Variants in DGKB observed in about 807,000 individuals in gnomAD.
DGKB encodes the protein 90 kDa diacylglycerol kinase.
A neutral mutation model predicts 114.3 loss-of-function variants in DGKB; 67 were observed. The observed-to-expected ratio is 0.59, with a 90% CI of 0.48 to 0.72. The LOEUF (loss-of-function observed/expected upper bound fraction) is 0.72. DGKB is among the 30% of genes least tolerant of loss of function. The probability of loss-of-function intolerance (pLI) is 0.00; values close to 1 mark genes in which losing one functional copy is unlikely to be tolerated. For synonymous variants in DGKB, 398 were observed against 323.1 expected, an observed-to-expected ratio of 1.23 and a Z score of -2.49; for missense variants, 907 against 975.2, an observed-to-expected ratio of 0.93 and a Z score of 0.93.
chr7:14,754,658 G>A (rs1834610162), intron 3 of DGKB, among the ~76,000 whole-genome samples: 1 of 152,034 alleles, frequency 6.6e-6, no homozygotes, highest in Non-Finnish European at 1.5e-5. Context: ...CTATTTACAT[G>A]GCCTGACTAT....
chr7:14,351,610 C>T (rs1813445838), intron 21 of DGKB, among the ~76,000 whole-genome samples: 2 of 151,954 alleles, frequency 1.3e-5, no homozygotes, highest in South Asian at 4.2e-4. Flanking sequence ...TTTTGATTGG[C>T]AACTATAAAT....
intron 23 of DGKB, among the ~76,000 whole-genome samples, chr7:14,285,336 AG>A (rs1355417156): frequency 6.6e-6 from 1 of 152,162 alleles, no homozygotes; most frequent in Non-Finnish European, 1.5e-5. Context: ...GCTCTAATAG[AG>A]GGGCTACAAA....
At position 14,958,426 on chromosome 7, in the gene DGKB, A is replaced by AACACACACACACACAC. The variant is rs754087921; in HGVS notation, c.-188+16254_-188+16269dup. Among the ~76,000 whole-genome samples the AACACACACACACACAC allele has an allele frequency of 9.4e-3, 1,159 of 122,816 alleles. 23 individuals carry two copies. Among genetic ancestry groups the AACACACACACACACAC allele is most frequent in the East Asian group, 0.012 (45 of 3,750 alleles). The allele number at this position is 122,816 out of a possible 152,430, so 80.6% of individuals were successfully genotyped here. A position where few individuals can be genotyped will look rare whatever the true frequency, so the allele number is the denominator to read the frequency against. On this transcript the variant is annotated intron_variant, in intron 1 of 4. Transcript: ENST00000437998. ...CAAACCCCACACCAATACCTCTCCC[A>AACACACACACACACAC]ACACACACACACACACACACACACA...
intron 2 of DGKB, among the ~76,000 whole-genome samples, chr7:14,836,553 G>C (rs146994736): frequency 6.6e-6 from 1 of 152,186 alleles, no homozygotes; most frequent in Admixed American, 6.5e-5. Context: ...TGGAACCACA[G>C]CAGAAAGCAC....
chr7:14,555,700 G>A (rs1795770621), intron 20 of DGKB, among the ~76,000 whole-genome samples: 2 of 152,126 alleles, frequency 1.3e-5, no homozygotes, highest in African/African-American at 4.8e-5. Flanking sequence ...CAAGATACAG[G>A]TCATAAAGAC....
rs75804178 is a variant in DGKB, at chr7:14,646,864, A to G, written c.1135-16596T>C. ...GAAGATTACACCAATGAACACCTAT[A>G]TAAAAAATTAAAATATTTAAAATAA... On this transcript the variant is annotated intron_variant, in intron 13 of 25. Transcript: ENST00000402815. 1.6e-3 allele frequency among the ~76,000 whole-genome samples: 244 copies of G among 152,036 alleles called. 1 individual carries two copies. The highest frequency in any genetic ancestry group is 5.3e-3 in the African/African-American group (221 of 41,554).
chr7:14,856,362 A>G (rs1192755273), intron 1 of DGKB, among the ~76,000 whole-genome samples: 1 of 152,136 alleles, frequency 6.6e-6, no homozygotes, highest in Non-Finnish European at 1.5e-5. Flanking sequence ...ATGTTTTTTC[A>G]ATTGGTAAGC....
intron 17 of DGKB, among the ~76,000 whole-genome samples, chr7:14,598,619 T>A (rs1253069127): frequency 6.6e-6 from 1 of 152,176 alleles, no homozygotes; most frequent in Non-Finnish European, 1.5e-5. Context: ...GAAACAGAAA[T>A]TCAGAACTAT....
rs1323581006 is a variant in DGKB, at chr7:14,555,342, A to G, written c.1770+18870T>C. ...TTTTGTGCCACCGTATTTTAGTTGC[A>G]GAAATTTGGTAGCATTTAGTACACG... On this transcript the variant is annotated intron_variant, in intron 20 of 25. Transcript: ENST00000402815. 6.6e-5 allele frequency among the ~76,000 whole-genome samples: 10 copies of G among 152,208 alleles called. No homozygotes were observed. In the East Asian group the frequency reaches 1.9e-3, roughly 29 times the overall value.
intron 13 of DGKB, among the ~76,000 whole-genome samples, chr7:14,642,315 T>G (rs935349285): frequency 6.6e-6 from 1 of 152,196 alleles, no homozygotes; most frequent in African/African-American, 2.4e-5. Context: ...TAAAACTTTA[T>G]GTATGGCATT....
intron 17 of DGKB, among the ~76,000 whole-genome samples, chr7:14,593,065 A>G (rs999806038): frequency 2.0e-5 from 3 of 152,080 alleles, no homozygotes; most frequent in Non-Finnish European, 2.9e-5. Flanking sequence ...GTAAATAATT[A>G]TGTTACCATA....
intron 23 of DGKB, among the ~76,000 whole-genome samples, chr7:14,231,127 C>CT (rs1554297195): frequency 2.4e-5 from 3 of 125,184 alleles, no homozygotes; most frequent in East Asian, 4.6e-4. Context: ...TTCTTTCTTT[C>CT]TTTCTTTCTT....
At chr7:14,956,204 C>T (rs1162871524) in intron 1 of DGKB, among the ~76,000 whole-genome samples, 1 of 151,840 alleles carries the variant, frequency 6.6e-6, no homozygotes, top group South Asian at 2.1e-4. Flanking sequence ...ACTGCCTTTT[C>T]CATTTATGCA....
At chr7:14,302,126 A>G (rs1803670047) in intron 23 of DGKB, among the ~76,000 whole-genome samples, 1 of 152,132 alleles carries the variant, frequency 6.6e-6, no homozygotes, top group Non-Finnish European at 1.5e-5. Flanking sequence ...GACACAAAAG[A>G]ATAGATACTA....
chr7:14,964,938 A>G (rs1232906914), intron 1 of DGKB, among the ~76,000 whole-genome samples: 1 of 152,176 alleles, frequency 6.6e-6, no homozygotes, highest in African/African-American at 2.4e-5. Flanking sequence ...TTACAATTTG[A>G]ATAGCATAAA....
chr7:14,832,714 C>G (rs1332530176), intron 2 of DGKB, among the ~76,000 whole-genome samples: 1 of 151,974 alleles, frequency 6.6e-6, no homozygotes, highest in Non-Finnish European at 1.5e-5. Flanking sequence ...ATGGAGATCT[C>G]ATCTTCCAAC....
intron 23 of DGKB, among the ~76,000 whole-genome samples, chr7:14,265,056 G>T (rs1352636747): frequency 2.0e-5 from 3 of 151,742 alleles, no homozygotes; most frequent in Non-Finnish European, 4.4e-5. Context: ...AAGCTGGAGG[G>T]ACTTCTTTTT....
At chr7:14,322,063 G>A (rs954789402) in intron 23 of DGKB, among the ~76,000 whole-genome samples, 3 of 152,174 alleles carry the variant, frequency 2.0e-5, no homozygotes, top group Admixed American at 6.5e-5. Context: ...GGAAACTGTA[G>A]TACTGGCGTA....
chr7:14,672,857 C>G (rs190598981), intron 13 of DGKB, 72 bp downstream of exon 13: 312 of 845,000 alleles, frequency 3.7e-4, no homozygotes, highest in Non-Finnish European at 3.4e-4. Context: ...TCTCTAGAAG[C>G]TTTTAATGGT....
Sources: allele counts gnomAD v4.1 joint callset (sites outside exome capture counted in the v4.1 genomes callset), GRCh38; gene constraint gnomAD v4.1.1; transcripts MANE v1.5; gene names NCBI Gene and HGNC (gene_info 2026-07-23, HGNC 2026-07-21).